The following COX17 variants were observed in gnomAD, a reference collection of about 807,000 sequenced individuals.
COX17 encodes cytochrome c oxidase copper chaperone.
Under a neutral mutation model 6.3 loss-of-function variants are expected in COX17, and 1 was observed. That is an observed-to-expected ratio of 0.16 (90% confidence interval 0.06 to 0.75). The LOEUF is 0.75. Ranked by LOEUF, COX17 falls within the 30% of genes least tolerant of loss-of-function variation. The pLI is 0.77. For synonymous variants in COX17, 26 were observed against 30.5 expected (o/e 0.85, Z 0.49); for missense variants, 73 against 81.2 (o/e 0.90, Z 0.39).
Position 119,675,378 on chromosome 3 carries a change from GT to G in COX17, c.108-146del, listed in dbSNP as rs1255918892. 20 of 609,338 alleles carry G rather than the reference GT, an allele frequency of 3.3e-5. No individual in the cohort carries two copies. In the East Asian group the frequency reaches 5.3e-4, roughly 16 times the overall value. The allele number at this position is 609,338 out of a possible 1,614,324, so 37.7% of individuals were successfully genotyped here. A position where few individuals can be genotyped will look rare whatever the true frequency, so the allele number is the denominator to read the frequency against. The stretch of plus-strand genomic sequence containing the variant: ...AAACGCTATTACCTCAAACAGCTTT[GT>G]TTTTATTTGATCTTATGATATGCCC... On this transcript the variant is annotated intron_variant, in intron 1 of 2. Coordinates refer to ENST00000261070, the MANE Select transcript of COX17 (RefSeq NM_005694.2).
At chr3:119,664,352 C>T (rs574470250) in intron 3 of COX17, among the ~76,000 whole-genome samples, 1 of 152,140 alleles carries the variant, frequency 6.6e-6, no homozygotes, top group Non-Finnish European at 1.5e-5. Flanking sequence ...AGACCACTGT[C>T]TCTTAAAAAA....
intron 1 of COX17, 196 bp downstream of exon 1, chr3:119,677,008 C>T (rs13067694): frequency 3.1e-6 from 1 of 322,430 alleles, no homozygotes. Context: ...CGCAATGGGG[C>T]GGGGCGGGGC....
chr3:119,676,827 C>G, intron 1 of COX17: 1 of 702,650 alleles, frequency 1.4e-6, no homozygotes, highest in Admixed American at 2.0e-5. Flanking sequence ...TCGGACCTAA[C>G]GCAGTGCTTA....
chr3:119,671,743 G>A (rs11923223), intron 2 of COX17, among the ~76,000 whole-genome samples: 45,725 of 152,050 alleles, frequency 0.3, 7,333 homozygotes, highest in Admixed American at 0.37. Context: ...AGTACAAGGC[G>A]TGAAGTGTAA....
intron 2 of COX17, among the ~76,000 whole-genome samples, chr3:119,670,113 C>T (rs1049510249): frequency 6.6e-6 from 1 of 152,160 alleles, no homozygotes; most frequent in Non-Finnish European, 1.5e-5. Context: ...GTACCCAAGG[C>T]ACTTCCTGTG....
rs1445584311 is a variant in COX17, at chr3:119,675,243, A to C, written c.108-10T>G. Reference sequence around the variant, plus strand: ...TCCTTTCTCGATGATACTATAAAACAAAATGTACTTGTTATCTAAATATGC... The same window carrying C: ...TCCTTTCTCGATGATACTATAAAACCAAATGTACTTGTTATCTAAATATGC... On this transcript the variant is annotated splice_polypyrimidine_tract_variant and intron_variant, in intron 1 of 2. Transcript: ENST00000261070. The C allele has an allele frequency of 5.7e-6, 9 of 1,590,844 alleles. No homozygotes were observed. The highest frequency in any genetic ancestry group is 7.8e-6 in the Non-Finnish European group (9 of 1,158,944).
chr3:119,675,468 C>T (rs879719668), intron 1 of COX17: 19 of 471,196 alleles, frequency 4.0e-5, no homozygotes, highest in Middle Eastern at 5.7e-4. Context: ...GAAATAATCA[C>T]GCATATTAAA....
At chr3:119,675,408 C>T (rs1411999480) in intron 1 of COX17, 175 bp from the exon 2 acceptor site, 4 of 551,278 alleles carry the variant, frequency 7.3e-6, no homozygotes, top group Middle Eastern at 4.7e-4. Context: ...TATGCCCATG[C>T]CTATGAAGAC....
intron 2 of COX17, among the ~76,000 whole-genome samples, chr3:119,669,918 C>T (rs1016753638): frequency 1.2e-4 from 19 of 152,104 alleles, no homozygotes; most frequent in Admixed American, 3.3e-4. Flanking sequence ...ACTCTCTCTG[C>T]GTGTATATAT....
At chr3:119,676,922 G>A (rs916519544) in intron 1 of COX17, 6 of 698,092 alleles carry the variant, frequency 8.6e-6, no homozygotes, top group Admixed American at 8.1e-5. Context: ...ATCGTTTCCC[G>A]GTACTAAGCT....
chr3:119,677,017 G>A (rs1577181135), intron 1 of COX17, 187 bp downstream of exon 1: 1 of 519,016 alleles, frequency 1.9e-6, no homozygotes, highest in Non-Finnish European at 3.5e-6. Context: ...GCGGGGCGGG[G>A]CGGGGCGGGG....
chr3:119,669,108 C>T (rs1197119992), downstream of COX17, among the ~76,000 whole-genome samples: 2 of 151,994 alleles, frequency 1.3e-5, no homozygotes, highest in Admixed American at 6.6e-5. Flanking sequence ...ATTCATAATG[C>T]CAAACAGTTG....
intron 1 of COX17, 90 bp from the exon 2 acceptor site, chr3:119,675,323 G>A: frequency 1.2e-6 from 1 of 845,104 alleles, no homozygotes; most frequent in Non-Finnish European, 2.0e-6. Flanking sequence ...ACAAAACACG[G>A]GTATAATGGA....
intron 2 of COX17, among the ~76,000 whole-genome samples, chr3:119,673,579 A>G (rs2053066276): frequency 1.3e-5 from 2 of 152,212 alleles, no homozygotes; most frequent in South Asian, 4.1e-4. Context: ...CCATCTTCAC[A>G]GAAAGGTCTT....
rs555831541 is a variant in COX17 at position 119,672,541 on chromosome 3, T to A, written c.*4+2604A>T. 3.9e-5 allele frequency among the ~76,000 whole-genome samples: 6 copies of A among 152,300 alleles called. No homozygotes were observed. The South Asian group carries it at 8.3e-4, about 21-fold the overall frequency. On this transcript the variant is annotated intron_variant, in intron 2 of 2. Coordinates refer to ENST00000261070, the MANE Select transcript of COX17 (RefSeq NM_005694.2). ...CACAACTGACGAGGGAGTTAGATCA[T>A]GAACAAGGAAACCATGTACAAATGT...
At chr3:119,665,283 T>C (rs1394628538), downstream of COX17, 3 of 152,240 alleles carry the variant, frequency 2.0e-5, no homozygotes, top group Admixed American at 6.5e-5. Context: ...TGCGTGACGA[T>C]GTAATGCTTG....
intron 2 of COX17, among the ~76,000 whole-genome samples, chr3:119,669,983 A>G (rs1244708401): frequency 6.6e-6 from 1 of 152,132 alleles, no homozygotes; most frequent in Non-Finnish European, 1.5e-5. Flanking sequence ...AATATCCTCC[A>G]AAAAAGGCTA....
At chr3:119,673,522 A>C (rs2053065791) in intron 2 of COX17, among the ~76,000 whole-genome samples, 1 of 151,958 alleles carries the variant, frequency 6.6e-6, no homozygotes, top group Non-Finnish European at 1.5e-5. Flanking sequence ...CAACAGCCAC[A>C]TATGGCTAGT....
chr3:119,677,283 C>A lies in COX17; in HGVS notation c.28G>T (p.Ala10Ser). MPGLVDSNP[A>S]PPESQEKKPL... The stretch of plus-strand genomic sequence containing the variant: ...TTCTTCTCCTGAGACTCAGGCGGGG[C>A]AGGGTTTGAGTCAACCAGACCCGGC... The change falls in exon 1 of 3, where the codon GCC becomes TCC. Residue 10 changes from alanine to serine, a missense_variant. By Grantham distance (99) the Ala-to-Ser change is moderately conservative (BLOSUM62 1). Coordinates refer to ENST00000261070, the MANE Select transcript of COX17 (RefSeq NM_005694.2). The A allele has an allele frequency of 6.2e-7, 1 of 1,611,958 alleles. No individual in the cohort carries two copies. The highest frequency in any genetic ancestry group is 8.5e-7 in the Non-Finnish European group (1 of 1,179,950).
Sources: gnomAD v4.1 joint callset for allele counts (sites outside exome capture counted in the v4.1 genomes callset) on GRCh38, gnomAD v4.1.1 for gene constraint, MANE v1.5 for transcripts, NCBI Gene and HGNC (gene_info 2026-07-23, HGNC 2026-07-21) for gene names.